LARP4B: variants seen among roughly 807,000 people sequenced by gnomAD.
LARP4B encodes the protein La ribonucleoprotein 4B, also known as la-related protein 4B.
A neutral mutation model predicts 89.8 loss-of-function variants in LARP4B; 12 were observed. The ratio of observed to expected loss-of-function variants is 0.13; its 90% CI spans 0.09 to 0.22. The LOEUF (loss-of-function observed/expected upper bound fraction) is 0.22. Ranked by LOEUF, LARP4B falls within the 10% of genes least tolerant of loss-of-function variation. The pLI is 1.00. For missense variants in LARP4B, 757 were observed against 947.7 expected, an observed-to-expected ratio of 0.80 and a Z score of 2.64; for synonymous variants, 367 against 363.3, an observed-to-expected ratio of 1.01 and a Z score of -0.12.
intron 3 of LARP4B, 23 bp from the exon 4 acceptor site, chr10:864,293 C>T (rs376896759): frequency 3.1e-6 from 5 of 1,612,900 alleles, no homozygotes; most frequent in Admixed American, 1.7e-5. Flanking sequence ...GTAAGATAGA[C>T]ATTTGTATCC....
At chr10:970,608 CTGG>C in the LARP4B span, among the ~76,000 whole-genome samples, 2 of 152,264 alleles carry the variant, frequency 1.3e-5, no homozygotes, top group African/African-American at 4.8e-5. Context: ...TTATTTTACT[CTGG>C]ATCCTCGAAT....
chr10:848,959 G>C (rs570668301), intron 5 of LARP4B, among the ~76,000 whole-genome samples: 2 of 152,152 alleles, frequency 1.3e-5, no homozygotes, highest in Non-Finnish European at 2.9e-5. Context: ...TATATTGTCA[G>C]TTTATAGCAT....
At chr10:821,239 G>A (rs144839636) in intron 13 of LARP4B, among the ~76,000 whole-genome samples, 6 of 152,274 alleles carry the variant, frequency 3.9e-5, no homozygotes, top group East Asian at 3.9e-4. Context: ...TTTTCCCGGC[G>A]CAGATTTGCT....
At chr10:960,522 C>T in the LARP4B span, among the ~76,000 whole-genome samples, 1 of 151,880 alleles carries the variant, frequency 6.6e-6, no homozygotes, top group African/African-American at 2.4e-5. Flanking sequence ...GCTTGTCCAA[C>T]GTGGTGAAAC....
chr10:881,378 T>G (rs996678253), intron 3 of LARP4B, among the ~76,000 whole-genome samples: 1 of 152,178 alleles, frequency 6.6e-6, no homozygotes. Flanking sequence ...TGGCTTTTGC[T>G]CCTATCAGTC....
At chr10:853,865 G>A (rs530653139) in intron 5 of LARP4B, among the ~76,000 whole-genome samples, 5 of 152,286 alleles carry the variant, frequency 3.3e-5, no homozygotes, top group African/African-American at 1.2e-4. Flanking sequence ...AGTATATCAC[G>A]TGGACGGACT....
At chr10:835,794 G>A (rs759078974) in intron 8 of LARP4B, among the ~76,000 whole-genome samples, 23 of 152,252 alleles carry the variant, frequency 1.5e-4, no homozygotes, top group South Asian at 2.1e-4. Context: ...TTAGCTGGGC[G>A]CAGCGACAGG....
chr10:869,431 G>A (rs1835081660), intron 3 of LARP4B, among the ~76,000 whole-genome samples: 1 of 152,164 alleles, frequency 6.6e-6, no homozygotes, highest in South Asian at 2.1e-4. Context: ...ATGCTTTAGT[G>A]CTAACAAGAG....
At chr10:968,994 T>C in the LARP4B span, among the ~76,000 whole-genome samples, 3 of 152,234 alleles carry the variant, frequency 2.0e-5, no homozygotes, top group Admixed American at 1.3e-4. Context: ...TCGGAGTCGG[T>C]AGAACACATC....
At chr10:878,929 T>A (rs536389149) in intron 3 of LARP4B, among the ~76,000 whole-genome samples, 54 of 152,380 alleles carry the variant, frequency 3.5e-4, no homozygotes, top group Non-Finnish European at 6.5e-4. Flanking sequence ...CTAATTTTTT[T>A]AAAGAAATTA....
chr10:866,917 GCAGT>G (rs1317149386), intron 3 of LARP4B, among the ~76,000 whole-genome samples: 3 of 152,238 alleles, frequency 2.0e-5, no homozygotes, highest in African/African-American at 7.2e-5. Flanking sequence ...TTCCAGGGTG[GCAGT>G]CACCATGGGC....
chr10:826,553 C>G (rs1321581869), intron 11 of LARP4B, among the ~76,000 whole-genome samples: 1 of 152,178 alleles, frequency 6.6e-6, no homozygotes, highest in Admixed American at 6.5e-5. Flanking sequence ...AATCTAGACA[C>G]ATACAAAAAT....
the LARP4B span, among the ~76,000 whole-genome samples, chr10:950,287 G>A: frequency 2.0e-5 from 3 of 152,078 alleles, no homozygotes; most frequent in Admixed American, 6.5e-5. Context: ...ATATTGTGAT[G>A]CTGGTAAGCA....
At chr10:968,696 A>G in the LARP4B span, among the ~76,000 whole-genome samples, 3 of 152,244 alleles carry the variant, frequency 2.0e-5, no homozygotes, top group Non-Finnish European at 4.4e-5. Context: ...TTGAGCCACA[A>G]AGAAGAACTT....
rs777619584 is a variant in LARP4B, at chr10:829,493, C to T, written c.1017G>A (p.Thr339=). ...TGTACATGGGAGGGAAGTAGAACGACGTCGCGTAGCGCTGCTGGGCATACA... is the reference window on the plus strand; with the variant it reads ...TGTACATGGGAGGGAAGTAGAACGATGTCGCGTAGCGCTGCTGGGCATACA... ...VSLYAQQRYA[T]SFYFPPMYSP... The change falls in exon 11 of 18, where the codon ACG becomes ACA. Residue 339 remains threonine, a synonymous_variant. Coordinates refer to ENST00000316157, the MANE Select transcript of LARP4B (RefSeq NM_015155.3). The T allele has an allele frequency of 1.1e-5, 17 of 1,614,012 alleles. No individual in the cohort carries two copies. Among genetic ancestry groups the T allele is most frequent in the East Asian group, 6.7e-5 (3 of 44,888 alleles).
intron 8 of LARP4B, among the ~76,000 whole-genome samples, chr10:834,647 C>T (rs144657892): frequency 1.3e-5 from 2 of 152,220 alleles, no homozygotes; most frequent in East Asian, 3.9e-4. Context: ...TAAACCTTCT[C>T]TCTTAAGACT....
At chr10:839,621 CAT>C (rs1833414588) in intron 7 of LARP4B, among the ~76,000 whole-genome samples, 1 of 152,196 alleles carries the variant, frequency 6.6e-6, no homozygotes. Flanking sequence ...TATTAGAAAA[CAT>C]AAAATTAACA....
chr10:874,569 T>C (rs373025189), intron 3 of LARP4B, among the ~76,000 whole-genome samples: 18 of 152,332 alleles, frequency 1.2e-4, no homozygotes, highest in South Asian at 6.2e-4. Flanking sequence ...TTGTCTTACA[T>C]TGACATCTGT....
At chr10:867,877 A>AAAAC in intron 3 of LARP4B, among the ~76,000 whole-genome samples, 1 of 151,072 alleles carries the variant, frequency 6.6e-6, no homozygotes, top group African/African-American at 2.4e-5. Context: ...AAAAAAAAAA[A>AAAAC]AAAAAAAAAC....
Sources: allele counts gnomAD v4.1 joint callset (sites outside exome capture counted in the v4.1 genomes callset), GRCh38; gene constraint gnomAD v4.1.1; transcripts MANE v1.5; gene names NCBI Gene and HGNC (gene_info 2026-07-23, HGNC 2026-07-21).